EPB41: variants seen among roughly 807,000 people sequenced by gnomAD.
EPB41 encodes protein 4.1.
In EPB41, 65 loss-of-function variants were observed where a neutral mutation model predicts 108.0. The observed-to-expected ratio is 0.60, with a 90% CI of 0.49 to 0.74. EPB41 has a LOEUF of 0.74. EPB41 is among the 30% of genes least tolerant of loss of function. The pLI, the probability that EPB41 is intolerant of heterozygous loss-of-function variation, is 0.00. For missense variants in EPB41, 875 were observed against 1,037.0 expected, an observed-to-expected ratio of 0.84 and a Z score of 2.15; for synonymous variants, 336 against 358.9, an observed-to-expected ratio of 0.94 and a Z score of 0.72.
At chr1:29,072,330 C>T (rs1651874155) in intron 16 of EPB41, 3 of 151,974 alleles carry the variant, frequency 2.0e-5, no homozygotes, top group African/African-American at 7.2e-5. Context: ...AAGAGTTTCC[C>T]TTAATGAAAT....
chr1:29,105,221 A>C (rs1326756594), intron 17 of EPB41, among the ~76,000 whole-genome samples: 7 of 152,022 alleles, frequency 4.6e-5, no homozygotes, highest in African/African-American at 1.7e-4. Flanking sequence ...ACAGTAGTAC[A>C]CTTTTGTGTA....
chr1:29,009,143 CT>C (rs11330641), intron 4 of EPB41, among the ~76,000 whole-genome samples: 24,612 of 140,456 alleles, frequency 0.18, 2,118 homozygotes, highest in East Asian at 0.45. Flanking sequence ...TTTAATCCTT[CT>C]TTTTTTTTTT....
chr1:28,971,933 T>A (rs915863146), intron 1 of EPB41, among the ~76,000 whole-genome samples: 2 of 151,990 alleles, frequency 1.3e-5, no homozygotes, highest in African/African-American at 2.4e-5. Context: ...CAGGGTCTCA[T>A]TCTGTCACCC....
At chr1:28,914,333 C>T (rs942991512), upstream of EPB41, among the ~76,000 whole-genome samples, 6 of 152,234 alleles carry the variant, frequency 3.9e-5, no homozygotes, top group African/African-American at 1.4e-4. Context: ...GCGGCCAGCC[C>T]CTTGCCTTTT....
At chr1:29,047,131 T>G (rs1444280000) in intron 11 of EPB41, among the ~76,000 whole-genome samples, 1 of 152,138 alleles carries the variant, frequency 6.6e-6, no homozygotes, top group East Asian at 1.9e-4. Flanking sequence ...GTCCTAGAGA[T>G]CTCACTGTGG....
chr1:28,909,526 T>C (rs886673489), intron 1 of EPB41, among the ~76,000 whole-genome samples: 4 of 152,098 alleles, frequency 2.6e-5, no homozygotes, highest in African/African-American at 9.7e-5. Flanking sequence ...CTGGGTGCAG[T>C]GGCTCACGCT....
intron 1 of EPB41, among the ~76,000 whole-genome samples, chr1:28,895,068 C>T (rs1203213101): frequency 2.0e-5 from 3 of 152,100 alleles, no homozygotes; most frequent in African/African-American, 2.4e-5. Context: ...TTCTCTGCCT[C>T]GGTTGCCTTA....
intron 1 of EPB41, among the ~76,000 whole-genome samples, chr1:28,942,801 C>T (rs1334850685): frequency 6.6e-6 from 1 of 152,162 alleles, no homozygotes; most frequent in East Asian, 1.9e-4. Flanking sequence ...TGGCAACCAG[C>T]CCCCATCCTA....
upstream of EPB41, chr1:28,911,120 C>T: frequency 1.0e-6 from 1 of 985,400 alleles, no homozygotes; most frequent in Non-Finnish European, 1.2e-6. Flanking sequence ...GGTAGTTTTT[C>T]CACCTTCATA....
At chr1:28,958,696 G>A (rs532382797) in intron 1 of EPB41, among the ~76,000 whole-genome samples, 5 of 148,194 alleles carry the variant, frequency 3.4e-5, no homozygotes, top group Non-Finnish European at 7.5e-5. Context: ...GCATGCACTT[G>A]TGGTTTCAGC....
At chr1:28,912,208 A>G (rs907754071), upstream of EPB41, among the ~76,000 whole-genome samples, 1 of 152,204 alleles carries the variant, frequency 6.6e-6, no homozygotes, top group Non-Finnish European at 1.5e-5. Context: ...GAATACAGAT[A>G]CAGTCCCTGC....
chr1:28,935,103 C>A (rs1344300909), intron 1 of EPB41, among the ~76,000 whole-genome samples: 1 of 151,204 alleles, frequency 6.6e-6, no homozygotes, highest in Non-Finnish European at 1.5e-5. Flanking sequence ...CAAAGTGAGA[C>A]CCTGTATCAA....
chr1:29,117,076 G>T lies in EPB41; in HGVS notation c.*264G>T, dbSNP rs904913176. 1 of 152,044 alleles carries T rather than the reference G, an allele frequency of 6.6e-6. No individual in the cohort carries two copies. Among genetic ancestry groups the T allele is most frequent in the Admixed American group, 6.6e-5 (1 of 15,258 alleles). The allele number at this position is 152,044 out of a possible 1,614,324, so 9.4% of individuals were successfully genotyped here. A position where few individuals can be genotyped will look rare whatever the true frequency, so the allele number is the denominator to read the frequency against. On this transcript the variant is annotated 3_prime_UTR_variant, in exon 21 of 21. Coordinates refer to ENST00000343067, the MANE Select transcript of EPB41 (RefSeq NM_001376013.1). Reference sequence around the variant, plus strand: ...TATAGACTGTTTTAAGAGTTTTGGGGTTTTTTTAATTGGGTGGTTTGTAAC... The same window carrying T: ...TATAGACTGTTTTAAGAGTTTTGGGTTTTTTTTAATTGGGTGGTTTGTAAC...
At chr1:28,999,555 ACCTACG>A (rs1422279100) in intron 4 of EPB41, among the ~76,000 whole-genome samples, 7 of 152,268 alleles carry the variant, frequency 4.6e-5, no homozygotes, top group Middle Eastern at 3.4e-3. Flanking sequence ...GTCACCAAGT[ACCTACG>A]TGTTTAATAT....
rs552877861 is a variant in EPB41, at chr1:29,061,404, G to A, written c.2007+920G>A. ...GCTGCCTCAGCTTCCCAAGTAGCTG[G>A]GACTACAGGCGCCCGCCACCTGTCT... is the stretch of plus-strand genomic sequence containing the variant. On this transcript the variant is annotated intron_variant, in intron 15 of 20. Transcript: ENST00000343067. Among the ~76,000 whole-genome samples the A allele has an allele frequency of 6.6e-5, 10 of 151,986 alleles. No individual in the cohort carries two copies. In the South Asian group the frequency reaches 2.1e-3, roughly 32 times the overall value.
At chr1:29,023,806 A>G (rs2096678904) in intron 7 of EPB41, among the ~76,000 whole-genome samples, 1 of 152,032 alleles carries the variant, frequency 6.6e-6, no homozygotes, top group African/African-American at 2.4e-5. Context: ...AGTTGGGGCA[A>G]TAGGGCACCA....
intron 17 of EPB41, among the ~76,000 whole-genome samples, chr1:29,108,740 A>G (rs1408221933): frequency 6.6e-6 from 1 of 150,710 alleles, no homozygotes; most frequent in African/African-American, 2.4e-5. Flanking sequence ...TTTTTTTAGT[A>G]GACACAGGGT....
At chr1:29,088,604 A>C (rs756117962) in intron 16 of EPB41, among the ~76,000 whole-genome samples, 52 of 152,134 alleles carry the variant, frequency 3.4e-4, no homozygotes, top group African/African-American at 9.7e-5. Context: ...AGAATTCTTT[A>C]CTGATATTAA....
chr1:28,907,207 G>C (rs1272451300), intron 1 of EPB41, among the ~76,000 whole-genome samples: 1 of 151,744 alleles, frequency 6.6e-6, no homozygotes, highest in African/African-American at 2.4e-5. Context: ...TGGGATTACA[G>C]GTGCCCGCGA....
Sources: allele counts gnomAD v4.1 joint callset (sites outside exome capture counted in the v4.1 genomes callset), GRCh38; gene constraint gnomAD v4.1.1; transcripts MANE v1.5; gene names NCBI Gene and HGNC (gene_info 2026-07-23, HGNC 2026-07-21).